NPAS3: variants seen among roughly 807,000 people sequenced by gnomAD.
The protein encoded by NPAS3 is neuronal PAS domain protein 3, also known as neuronal PAS domain-containing protein 3.
A neutral mutation model predicts 73.1 loss-of-function variants in NPAS3; 14 were observed. The observed-to-expected ratio is 0.19, with a 90% CI of 0.13 to 0.30. The LOEUF is 0.30. Among genes scored for constraint, NPAS3 ranks in the 10% least tolerant of loss-of-function variants. The pLI, the probability that NPAS3 is intolerant of heterozygous loss-of-function variation, is 1.00. For synonymous variants in NPAS3, 620 were observed against 541.5 expected (o/e 1.14, Z -2.01); for missense variants, 1,096 against 1,250.0 (o/e 0.88, Z 1.86).
intron 4 of NPAS3, among the ~76,000 whole-genome samples, chr14:33,537,129 C>T (rs1448092315): frequency 6.6e-6 from 1 of 152,182 alleles, no homozygotes; most frequent in Non-Finnish European, 1.5e-5. Flanking sequence ...CTTCCCCCTC[C>T]ATGTAGACAA....
intron 4 of NPAS3, among the ~76,000 whole-genome samples, chr14:33,558,622 A>G (rs546665632): frequency 1.3e-5 from 2 of 151,770 alleles, no homozygotes; most frequent in South Asian, 4.2e-4. Flanking sequence ...CTGTATGCAT[A>G]CATATATATA....
intron 4 of NPAS3, among the ~76,000 whole-genome samples, chr14:33,515,794 T>C (rs2053269343): frequency 6.6e-6 from 1 of 152,124 alleles, no homozygotes; most frequent in Non-Finnish European, 1.5e-5. Flanking sequence ...TTGCTCTTCA[T>C]GGATCTTGTC....
intron 1 of NPAS3, among the ~76,000 whole-genome samples, chr14:32,983,061 A>G (rs908259311): frequency 2.0e-5 from 3 of 152,180 alleles, no homozygotes; most frequent in African/African-American, 7.2e-5. Context: ...AGAGAAGAAA[A>G]ACCTATTTCA....
rs67439887 is a variant in NPAS3, at chr14:33,109,810, CTTTT to C, written c.140+53837_140+53840del. On this transcript the variant is annotated intron_variant, in intron 2 of 11. Transcript: ENST00000356141. ...TACCTCTTATCTGTAATTTGCATGT[CTTTT>C]TTTTTTTTTTTTTTTTTTTTGAGAC... is the stretch of plus-strand genomic sequence containing the variant. 2.6e-4 allele frequency among the ~76,000 whole-genome samples: 23 copies of C among 86,978 alleles called. No individual in the cohort carries two copies. The East Asian group carries it at 2.7e-3, about 10-fold the overall frequency. The allele number at this position is 86,978 out of a possible 152,430, so 57.1% of individuals were successfully genotyped here.
intron 4 of NPAS3, among the ~76,000 whole-genome samples, chr14:33,502,515 T>C (rs373252595): frequency 6.6e-6 from 1 of 151,972 alleles, no homozygotes; most frequent in African/African-American, 2.4e-5. Context: ...CTTCGTGTGT[T>C]TTCTTTCTCT....
At chr14:33,104,182 C>A (rs976311265) in intron 2 of NPAS3, among the ~76,000 whole-genome samples, 12 of 152,202 alleles carry the variant, frequency 7.9e-5, no homozygotes, top group South Asian at 4.1e-4. Context: ...AACAAAAGGA[C>A]CTTGTTCTAA....
chr14:33,019,823 C>T (rs947354414), intron 1 of NPAS3, among the ~76,000 whole-genome samples: 5 of 152,088 alleles, frequency 3.3e-5, no homozygotes, highest in African/African-American at 4.8e-5. Flanking sequence ...TTGGTCGGGC[C>T]GGGATCTATT....
rs61476645 is a variant in NPAS3, at chr14:33,222,646, T to A, written c.385+7220T>A. ...CTATGAGCTTATTGAGGCAATAGCC[T>A]GGGTCATCTTATTCCTTTTTATATC... On this transcript the variant is annotated intron_variant, in intron 3 of 11. Transcript: ENST00000356141. Among the ~76,000 whole-genome samples the A allele has an allele frequency of 5.0e-3, 760 of 152,358 alleles. 34 individuals are homozygous for A. The East Asian group carries it at 0.11, about 22-fold the overall frequency.
chr14:33,519,598 A>T (rs1349802207), intron 4 of NPAS3, among the ~76,000 whole-genome samples: 1 of 152,148 alleles, frequency 6.6e-6, no homozygotes. Context: ...CGGTCTGCGC[A>T]TATGTAAAGT....
In NPAS3 at chr14:33,800,611, CG is replaced by C; in HGVS notation, c.2309del (p.Gly770AlafsTer40). 2 of 1,331,874 alleles carry C rather than the reference CG, an allele frequency of 1.5e-6. No homozygotes were observed. Among genetic ancestry groups the C allele is most frequent in the Non-Finnish European group, 9.5e-7 (1 of 1,049,470 alleles). 82.5% of individuals were successfully genotyped at this position (1,331,874 alleles called of 1,614,324 possible). A position where few individuals can be genotyped will look rare whatever the true frequency, so the allele number is the denominator to read the frequency against. ...CCGGGAACGGCGGCGGGGGCGGGGG[CG>C]GGGGCGGCGGCGCGGGGGGCGGCGG... is the stretch of plus-strand genomic sequence containing the variant. On this transcript the variant is annotated frameshift_variant, in exon 12 of 12. Transcript: ENST00000356141. LOFTEE classifies it high-confidence loss of function. The surrounding 1 kb of genome is among the most constrained non-coding windows in gnomAD (Gnocchi z 6.5).
At chr14:33,436,507 T>C (rs1338561347) in intron 4 of NPAS3, among the ~76,000 whole-genome samples, 1 of 152,200 alleles carries the variant, frequency 6.6e-6, no homozygotes, top group Non-Finnish European at 1.5e-5. Context: ...AGTTCCTTCC[T>C]GAAAAGTCTC....
At chr14:33,789,821 C>T (rs2063302987) in intron 9 of NPAS3, among the ~76,000 whole-genome samples, 1 of 151,648 alleles carries the variant, frequency 6.6e-6, no homozygotes, top group Admixed American at 6.6e-5. Flanking sequence ...GATCTCCTGA[C>T]CTCGTGATCC....
intron 7 of NPAS3, among the ~76,000 whole-genome samples, chr14:33,752,789 A>G (rs751339593): frequency 1.6e-4 from 25 of 152,126 alleles, no homozygotes; most frequent in Non-Finnish European, 3.5e-4. Context: ...ATAATATGAA[A>G]TTGAGTTTTG....
chr14:33,168,567 G>T (rs2045259605), intron 2 of NPAS3, among the ~76,000 whole-genome samples: 1 of 152,194 alleles, frequency 6.6e-6, no homozygotes, highest in Admixed American at 6.5e-5. Flanking sequence ...TTGTGTGATA[G>T]CTCTCAAAGC....
intron 3 of NPAS3, among the ~76,000 whole-genome samples, chr14:33,307,557 A>T (rs1227747411): frequency 3.1e-5 from 4 of 128,020 alleles, no homozygotes; most frequent in Non-Finnish European, 6.9e-5. Context: ...CTTCCTGCCA[A>T]CTGTAACGTT....
chr14:33,471,289 A>G (rs1020388826), intron 4 of NPAS3, among the ~76,000 whole-genome samples: 9 of 152,222 alleles, frequency 5.9e-5, no homozygotes, highest in South Asian at 2.1e-4. Context: ...CAGTAATCTC[A>G]TGACCTTACT....
chr14:33,629,971 T>A (rs2058333229), intron 5 of NPAS3, among the ~76,000 whole-genome samples: 1 of 152,326 alleles, frequency 6.6e-6, no homozygotes, highest in East Asian at 1.9e-4. Context: ...TTCTTTAGAA[T>A]TCTTCACATC....
At chr14:33,546,534 G>A (rs2054852397) in intron 4 of NPAS3, among the ~76,000 whole-genome samples, 1 of 152,200 alleles carries the variant, frequency 6.6e-6, no homozygotes, top group African/African-American at 2.4e-5. Flanking sequence ...GAAGAAGCAA[G>A]CATAAATGAT....
intron 4 of NPAS3, among the ~76,000 whole-genome samples, chr14:33,477,207 T>G (rs1197145687): frequency 2.0e-5 from 3 of 152,178 alleles, no homozygotes; most frequent in Non-Finnish European, 2.9e-5. Flanking sequence ...CTTTTGGTGA[T>G]GGGGGTAGGG....
Sources: gnomAD v4.1 joint callset for allele counts (sites outside exome capture counted in the v4.1 genomes callset) on GRCh38, gnomAD v4.1.1 for gene constraint, Gnocchi (gnomAD v3.1) non-coding constraint, MANE v1.5 for transcripts, NCBI Gene and HGNC (gene_info 2026-07-23, HGNC 2026-07-21) for gene names.